The following GOLGA4 variants were observed in gnomAD, a reference collection of about 807,000 sequenced individuals.
GOLGA4 encodes golgin subfamily A member 4.
Under a neutral mutation model 265.9 loss-of-function variants are expected in GOLGA4, and 169 were observed. That is an observed-to-expected ratio of 0.64 (90% confidence interval 0.56 to 0.72). GOLGA4 has a LOEUF of 0.72. Among genes scored for constraint, GOLGA4 ranks in the 30% least tolerant of loss-of-function variants. The pLI is 0.00. For missense variants in GOLGA4, 2,482 were observed against 2,483.4 expected (o/e 1.00, Z 0.01); for synonymous variants, 923 against 855.8 (o/e 1.08, Z -1.37).
chr3:37,343,301 A>G (rs1314206890), intron 20 of GOLGA4, among the ~76,000 whole-genome samples: 2 of 152,068 alleles, frequency 1.3e-5, no homozygotes, highest in Admixed American at 1.3e-4. Flanking sequence ...TTGTATTTCT[A>G]GTAGAGATGG....
At position 37,361,296 on chromosome 3, in the gene GOLGA4, T is replaced by G. The variant is rs757850120; in HGVS notation, c.*24T>G. 4 of 1,610,368 alleles carry G rather than the reference T, an allele frequency of 2.5e-6. No individual in the cohort carries two copies. In the South Asian group the frequency reaches 3.3e-5, roughly 13 times the overall value. On this transcript the variant is annotated 3_prime_UTR_variant, in exon 23 of 24. Coordinates refer to ENST00000361924, the MANE Select transcript of GOLGA4 (RefSeq NM_002078.5). Reference sequence around the variant, plus strand: ...GAGTAAACCATCAGTCTGTGCTTAGTTAACATGTGGTGAGTGAAGAACAAT... The same window carrying G: ...GAGTAAACCATCAGTCTGTGCTTAGGTAACATGTGGTGAGTGAAGAACAAT...
chr3:37,283,957 A>G (rs749216814), intron 3 of GOLGA4, among the ~76,000 whole-genome samples: 4 of 152,182 alleles, frequency 2.6e-5, no homozygotes, highest in African/African-American at 9.7e-5. Context: ...TAACTTGCTT[A>G]TGGTTGGACA....
At chr3:37,311,821 A>G (rs6787065) in intron 10 of GOLGA4, among the ~76,000 whole-genome samples, 4 of 152,228 alleles carry the variant, frequency 2.6e-5, no homozygotes, top group East Asian at 1.9e-4. Context: ...TCGACTGTAT[A>G]TAGAAGAATA....
At chr3:37,257,912 TATGTATGTATATATGTATATATAC>T (rs2096754047) in intron 2 of GOLGA4, among the ~76,000 whole-genome samples, 1 of 124,802 alleles carries the variant, frequency 8.0e-6, no homozygotes, top group Non-Finnish European at 1.6e-5. Context: ...TATATATATA[TATGTATGTATATATGTATATATAC>T]ATACATATAT....
chr3:37,339,023 G>A (rs927674144), intron 19 of GOLGA4, among the ~76,000 whole-genome samples: 5 of 151,792 alleles, frequency 3.3e-5, no homozygotes, highest in Non-Finnish European at 5.9e-5. Flanking sequence ...CACCACGCCC[G>A]GCTAATTTTT....
rs751704086 is a variant in GOLGA4, at chr3:37,282,197, C to T, written c.402C>T (p.Leu134=). 3.1e-6 allele frequency: 5 copies of T among 1,614,118 alleles called. No individual in the cohort carries two copies. Among genetic ancestry groups the T allele is most frequent in the South Asian group, 1.1e-5 (1 of 91,084 alleles). ...AEDLVGNSDS[L]NKEQLIQRLR... ...ACTTGGTAGGGAATTCAGACAGTCT[C>T]AACAAAGAACAGTTGATTCAGCGGT... The change falls in exon 3 of 24, where the codon CTC becomes CTT. Residue 134 remains leucine, a synonymous_variant. Transcript: ENST00000361924.
intron 4 of GOLGA4, chr3:37,287,591 A>G (rs2096853138): frequency 6.6e-6 from 1 of 152,238 alleles, no homozygotes; most frequent in Admixed American, 6.5e-5. Flanking sequence ...TGACTCGTTC[A>G]TTGTTGCACA....
Position 37,321,891 on chromosome 3 carries a change from G to A in GOLGA4, c.1701+5G>A. ...GAAGCAGAGACTTACAGAACTGTAA[G>A]TTTTAATAATATTCAGATTCTGGAG... On this transcript the variant is annotated splice_donor_5th_base_variant and intron_variant, in intron 13 of 23. Transcript: ENST00000361924. The A allele has an allele frequency of 6.3e-7, 1 of 1,585,212 alleles. No homozygotes were observed. The highest frequency in any genetic ancestry group is 8.5e-7 in the Non-Finnish European group (1 of 1,169,858).
chr3:37,264,263 A>G (rs1042374406), intron 2 of GOLGA4, among the ~76,000 whole-genome samples: 5 of 152,344 alleles, frequency 3.3e-5, no homozygotes, highest in African/African-American at 1.2e-4. Flanking sequence ...AAGAAAAGTG[A>G]ATTTTTTATA....
intron 2 of GOLGA4, among the ~76,000 whole-genome samples, chr3:37,252,051 C>T (rs932376478): frequency 2.6e-5 from 4 of 152,132 alleles, no homozygotes; most frequent in Admixed American, 2.0e-4. Context: ...ATCATTTTTT[C>T]AAGCTGGTGA....
rs376844884 is a variant in GOLGA4, at chr3:37,323,610, C to A, written c.1724C>A (p.Ser575Tyr). 1.9e-6 allele frequency: 3 copies of A among 1,567,180 alleles called. No homozygotes were observed. The highest frequency in any genetic ancestry group is 1.4e-5 in the African/African-American group (1 of 72,262). Residue 575 changes from serine (S) to tyrosine (Y), a missense_variant, in exon 14 of 24, where the codon TCT (serine) becomes TAT (tyrosine). Coordinates refer to ENST00000361924, the MANE Select transcript of GOLGA4 (RefSeq NM_002078.5). ...YRTRILELES[S>Y]LEKSLQENKN... ...CAGAGAATTCTTGAATTGGAAAGTTCTTTGGAAAAAAGCTTACAAGAAAAC... is the reference window on the plus strand; with the variant it reads ...CAGAGAATTCTTGAATTGGAAAGTTATTTGGAAAAAAGCTTACAAGAAAAC...
At chr3:37,321,399 A>C (rs1578682428) in intron 12 of GOLGA4, among the ~76,000 whole-genome samples, 1 of 152,354 alleles carries the variant, frequency 6.6e-6, no homozygotes, top group East Asian at 1.9e-4. Flanking sequence ...TAGAAATATC[A>C]AACTCTGGAG....
At chr3:37,315,716 CTGATATT>C in intron 11 of GOLGA4, 118 bp downstream of exon 11, 1 of 873,600 alleles carries the variant, frequency 1.1e-6, no homozygotes, top group East Asian at 2.6e-5. Flanking sequence ...TGACTGTTTT[CTGATATT>C]CAGGTTGTAA....
rs764806803 is a variant in GOLGA4 at position 37,324,272 on chromosome 3, G to A, written c.2386G>A (p.Ala796Thr). The A allele has an allele frequency of 9.9e-6, 16 of 1,613,804 alleles. No individual in the cohort carries two copies. Among genetic ancestry groups the A allele is most frequent in the Non-Finnish European group, 1.3e-5 (15 of 1,179,780 alleles). Residue 796 changes from alanine to threonine, a missense_variant, in exon 14 of 24, where the codon GCA becomes ACA. Coordinates refer to ENST00000361924, the MANE Select transcript of GOLGA4 (RefSeq NM_002078.5). ...AAGGTCTGAAGGGGAACTCCAGCAG[G>A]CATCTGCTAAGCTGGACGTTTTTCA... ...IKRSEGELQQ[A>T]SAKLDVFQSY...
chr3:37,362,595 A>T (rs1696394640), intron 23 of GOLGA4, among the ~76,000 whole-genome samples: 1 of 151,328 alleles, frequency 6.6e-6, no homozygotes, highest in East Asian at 1.9e-4. Context: ...GGAGGGCAGT[A>T]GTGTGATCAT....
intron 1 of GOLGA4, among the ~76,000 whole-genome samples, chr3:37,244,365 G>C (rs1029445887): frequency 6.6e-6 from 1 of 152,212 alleles, no homozygotes; most frequent in African/African-American, 2.4e-5. Flanking sequence ...GGTTATGCTT[G>C]TTTTTCAGGA....
rs993565787 is a variant in GOLGA4 at position 37,304,655 on chromosome 3, T to C, written c.1234+2323T>C. On this transcript the variant is annotated intron_variant, in intron 10 of 23. Transcript: ENST00000361924. ...ACATTTCTTTTAAAATTCAGTGTAC[T>C]TAATGAGGAGATAGAAACTGATTAA... is the stretch of plus-strand genomic sequence containing the variant. 6.6e-5 allele frequency among the ~76,000 whole-genome samples: 10 copies of C among 152,182 alleles called. No individual in the cohort carries two copies. The South Asian group carries it at 1.2e-3, about 19-fold the overall frequency.
chr3:37,274,212 GACAT>G (rs2096807274), intron 2 of GOLGA4, among the ~76,000 whole-genome samples: 1 of 151,972 alleles, frequency 6.6e-6, no homozygotes, highest in African/African-American at 2.4e-5. Flanking sequence ...CATATTGAGA[GACAT>G]ACTGAGTTAT....
chr3:37,322,193 A>T (rs1402683186), intron 13 of GOLGA4, among the ~76,000 whole-genome samples: 1 of 152,046 alleles, frequency 6.6e-6, no homozygotes, highest in African/African-American at 2.4e-5. Context: ...AAGTGGGCTC[A>T]TTTTGTAGGC....
Sources: gnomAD v4.1 joint callset for allele counts (sites outside exome capture counted in the v4.1 genomes callset) on GRCh38, gnomAD v4.1.1 for gene constraint, MANE v1.5 for transcripts, NCBI Gene and HGNC (gene_info 2026-07-23, HGNC 2026-07-21) for gene names.